The following IGSF11 variants were observed in gnomAD, a reference collection of about 807,000 sequenced individuals.
IGSF11 encodes the protein CXADR like 1.
Under a neutral mutation model 41.0 loss-of-function variants are expected in IGSF11, and 22 were observed. The observed-to-expected ratio is 0.54, with a 90% CI of 0.38 to 0.77. The LOEUF (loss-of-function observed/expected upper bound fraction) is 0.77, where lower values mean the gene tolerates loss of function less well. Ranked by LOEUF, IGSF11 falls within the 30% of genes least tolerant of loss-of-function variation. The pLI is 0.00. For synonymous variants in IGSF11, 219 were observed against 201.3 expected (o/e 1.09, Z -0.74); for missense variants, 444 against 530.8 (o/e 0.84, Z 1.61).
chr3:118,970,837 TTAAA>T lies in IGSF11; in HGVS notation c.53-40566_53-40563del, dbSNP rs781257056. ...CTGCTTTTCCATTCCCACTTCTCTA[TTAAA>T]TAGTCTTTTCATTTGTAGAAATAGG... On this transcript the variant is annotated intron_variant, in intron 1 of 6. Coordinates refer to ENST00000393775, the MANE Select transcript of IGSF11 (RefSeq NM_001015887.3). 5.9e-5 allele frequency among the ~76,000 whole-genome samples: 9 copies of T among 152,064 alleles called. No individual in the cohort carries two copies. In the South Asian group the frequency reaches 6.2e-4, roughly 11 times the overall value.
intron 4 of IGSF11, among the ~76,000 whole-genome samples, chr3:118,910,025 A>T (rs1940074664): frequency 6.6e-6 from 1 of 152,230 alleles, no homozygotes; most frequent in Admixed American, 6.5e-5. Flanking sequence ...ATGACCACAC[A>T]CTTATCACAT....
At chr3:119,072,500 A>T (rs1261262278) in intron 1 of IGSF11, among the ~76,000 whole-genome samples, 1 of 152,160 alleles carries the variant, frequency 6.6e-6, no homozygotes, top group Non-Finnish European at 1.5e-5. Context: ...GTTCTTAAAG[A>T]TGATGTGTCC....
intron 1 of IGSF11, chr3:118,947,812 C>T (rs1205430347): frequency 6.6e-6 from 1 of 152,114 alleles, no homozygotes; most frequent in Non-Finnish European, 1.5e-5. Flanking sequence ...TTTAGTTTTG[C>T]CTATTGTTAA....
At chr3:118,913,243 G>T (rs1211942699) in intron 4 of IGSF11, among the ~76,000 whole-genome samples, 1 of 151,844 alleles carries the variant, frequency 6.6e-6, no homozygotes, top group Non-Finnish European at 1.5e-5. Flanking sequence ...AATAAAGAAA[G>T]AAGAGAAAAG....
chr3:119,057,014 T>C (rs1941868235), intron 1 of IGSF11, among the ~76,000 whole-genome samples: 1 of 152,116 alleles, frequency 6.6e-6, no homozygotes, highest in Non-Finnish European at 1.5e-5. Flanking sequence ...ACAGCCAATA[T>C]CATACTGAAT....
chr3:119,140,195 A>T (rs1019079355), intron 1 of IGSF11, among the ~76,000 whole-genome samples: 2 of 152,128 alleles, frequency 1.3e-5, no homozygotes, highest in African/African-American at 4.8e-5. Flanking sequence ...CCCCCAAAAA[A>T]ACCAACTATA....
At chr3:118,989,723 T>C (rs970978945) in intron 1 of IGSF11, among the ~76,000 whole-genome samples, 1 of 152,360 alleles carries the variant, frequency 6.6e-6, no homozygotes, top group African/African-American at 2.4e-5. Flanking sequence ...GGCTATCTTA[T>C]GTTTTTTACA....
rs1444083931 is a variant in IGSF11 at position 118,971,343 on chromosome 3, T to C, written c.53-41068A>G. Among the ~76,000 whole-genome samples, 4 of 151,936 alleles carry C rather than the reference T, an allele frequency of 2.6e-5. No individual in the cohort carries two copies. In the East Asian group the frequency reaches 7.7e-4, roughly 29 times the overall value. ...AACATTTTAGGTTTATGTGTAAACA[T>C]GAAAAACAGAACACCAAAATTCAGG... is the stretch of plus-strand genomic sequence containing the variant. On this transcript the variant is annotated intron_variant, in intron 1 of 6. Coordinates refer to ENST00000393775, the MANE Select transcript of IGSF11 (RefSeq NM_001015887.3).
At chr3:119,105,330 A>C, upstream of IGSF11, 3 of 590,430 alleles carry the variant, frequency 5.1e-6, no homozygotes. Context: ...ATTTGGAGCC[A>C]TAACAAAATA....
intron 1 of IGSF11, among the ~76,000 whole-genome samples, chr3:119,010,239 G>A (rs897981778): frequency 6.6e-6 from 1 of 152,140 alleles, no homozygotes; most frequent in Non-Finnish European, 1.5e-5. Context: ...GCAAAGCAGT[G>A]TACATGAGGT....
chr3:118,934,962 C>T (rs1943127738), intron 1 of IGSF11, among the ~76,000 whole-genome samples: 1 of 152,082 alleles, frequency 6.6e-6, no homozygotes, highest in South Asian at 2.1e-4. Flanking sequence ...TAAACCCCAG[C>T]TTCTTTACTT....
intron 1 of IGSF11, among the ~76,000 whole-genome samples, chr3:119,044,881 C>T (rs1433705807): frequency 1.3e-5 from 2 of 152,072 alleles, no homozygotes; most frequent in African/African-American, 4.8e-5. Flanking sequence ...AACAAGCTTG[C>T]ACTACAAAAA....
chr3:119,010,341 A>T (rs1368334335), intron 1 of IGSF11, among the ~76,000 whole-genome samples: 1 of 152,242 alleles, frequency 6.6e-6, no homozygotes, highest in Non-Finnish European at 1.5e-5. Flanking sequence ...AAGAAGGAGA[A>T]AAGTAGGAAA....
chr3:119,033,266 G>T (rs1940589782), intron 1 of IGSF11, among the ~76,000 whole-genome samples: 1 of 152,124 alleles, frequency 6.6e-6, no homozygotes, highest in South Asian at 2.1e-4. Flanking sequence ...CTGTGTCCAA[G>T]GATTGCATAA....
At chr3:118,946,339 C>T (rs556320035) in intron 1 of IGSF11, among the ~76,000 whole-genome samples, 9 of 151,588 alleles carry the variant, frequency 5.9e-5, no homozygotes, top group Non-Finnish European at 1.2e-4. Context: ...ACCACTAAAA[C>T]ACTAGGCTAG....
At chr3:118,944,473 C>T (rs1181245457) in intron 1 of IGSF11, among the ~76,000 whole-genome samples, 1 of 148,982 alleles carries the variant, frequency 6.7e-6, no homozygotes, top group Admixed American at 6.7e-5. Context: ...CACACACACA[C>T]ACACACACAC....
At position 118,953,042 on chromosome 3, in the gene IGSF11, C is replaced by T. The variant is rs761573517; in HGVS notation, c.53-22767G>A. 7.2e-5 allele frequency among the ~76,000 whole-genome samples: 11 copies of T among 151,982 alleles called. No individual in the cohort carries two copies. The South Asian group carries it at 8.3e-4, about 11-fold the overall frequency. On this transcript the variant is annotated intron_variant, in intron 1 of 6. Coordinates refer to ENST00000393775, the MANE Select transcript of IGSF11 (RefSeq NM_001015887.3). Reference sequence around the variant, plus strand: ...GTATCCAGTATGTAGTCTTTTATCCCGCATCCCCCTTCCAACCTTTCCCCA... The same window carrying T: ...GTATCCAGTATGTAGTCTTTTATCCTGCATCCCCCTTCCAACCTTTCCCCA...
chr3:119,097,137 A>G (rs2076865749), intron 1 of IGSF11, among the ~76,000 whole-genome samples: 1 of 152,136 alleles, frequency 6.6e-6, no homozygotes, highest in African/African-American at 2.4e-5. Context: ...TCCTTTGGCC[A>G]TGTAACGACA....
At chr3:118,987,589 C>T (rs754236717) in intron 1 of IGSF11, among the ~76,000 whole-genome samples, 1 of 152,156 alleles carries the variant, frequency 6.6e-6, no homozygotes, top group Non-Finnish European at 1.5e-5. Flanking sequence ...GCTCATCACT[C>T]AGAGAGTTAA....
Sources: gnomAD v4.1 joint callset for allele counts (sites outside exome capture counted in the v4.1 genomes callset) on GRCh38, gnomAD v4.1.1 for gene constraint, MANE v1.5 for transcripts, NCBI Gene and HGNC (gene_info 2026-07-23, HGNC 2026-07-21) for gene names.